Variants in TUBB observed in about 807,000 individuals in gnomAD.
TUBB encodes the protein tubulin beta class I.
A neutral mutation model predicts 35.1 loss-of-function variants in TUBB; 2 were observed. The observed-to-expected ratio is 0.06, with a 90% CI of 0.02 to 0.18. The LOEUF is 0.18. Ranked by LOEUF, TUBB falls within the 10% of genes least tolerant of loss-of-function variation. TUBB has a pLI of 1.00. For synonymous variants in TUBB, 205 were observed against 223.8 expected (o/e 0.92, Z 0.75); for missense variants, 50 against 599.4 (o/e 0.08, Z 9.57).
Position 30,724,492 on chromosome 6 carries a change from T to C in TUBB, c.*95T>C. 1 of 1,213,398 alleles carries C rather than the reference T, an allele frequency of 8.2e-7. No individual in the cohort carries two copies. Among genetic ancestry groups the C allele is most frequent in the Non-Finnish European group, 1.1e-6 (1 of 886,058 alleles). 75.2% of individuals were successfully genotyped at this position (1,213,398 alleles called of 1,614,324 possible). A position where few individuals can be genotyped will look rare whatever the true frequency, so the allele number is the denominator to read the frequency against. On this transcript the variant is annotated 3_prime_UTR_variant, in exon 4 of 4. Coordinates refer to ENST00000327892, the MANE Select transcript of TUBB (RefSeq NM_178014.4). The surrounding 1 kb of genome is among the most constrained non-coding windows in gnomAD (Gnocchi z 4.4). ...CCTCAGAATTTGTGTTTGCTGCCTC[T>C]ATCTTGTTTTTTGTTTTTTCTTCTG...
At chr6:30,720,821 T>C (rs1409101984) in intron 1 of TUBB, among the ~76,000 whole-genome samples, 4 of 152,340 alleles carry the variant, frequency 2.6e-5, no homozygotes, top group South Asian at 4.1e-4. Context: ...CGAGGACTTA[T>C]AAGATGTTAC....
At chr6:30,721,475 C>A (rs1191119499) in intron 1 of TUBB, 2 of 897,454 alleles carry the variant, frequency 2.2e-6, no homozygotes, top group African/African-American at 3.6e-5. Context: ...GCGTTGCCCG[C>A]CGGCAGGGGC....
intron 1 of TUBB, among the ~76,000 whole-genome samples, chr6:30,720,934 C>T (rs543626967): frequency 5.3e-5 from 8 of 152,244 alleles, no homozygotes; most frequent in African/African-American, 1.9e-4. Flanking sequence ...TCCCGCCCAA[C>T]CCCCCTGCGG....
intron 3 of TUBB, 62 bp from the exon 4 acceptor site, chr6:30,723,278 A>T (rs1562156996): frequency 1.5e-6 from 2 of 1,344,112 alleles, no homozygotes; most frequent in East Asian, 4.7e-5. Context: ...AAGTTGAAAG[A>T]TGGAAACATC....
rs25527 is a variant in TUBB, at chr6:30,723,161, C to T, written c.277+133C>T. 64,799 of 947,974 alleles carry T rather than the reference C, an allele frequency of 0.068. 3,833 individuals carry two copies. Among genetic ancestry groups the T allele is most frequent in the African/African-American group, 0.21 (12,500 of 60,530 alleles). The allele number at this position is 947,974 out of a possible 1,614,324, so 58.7% of individuals were successfully genotyped here. On this transcript the variant is annotated intron_variant, in intron 3 of 3. Coordinates refer to ENST00000327892, the MANE Select transcript of TUBB (RefSeq NM_178014.4). ...TACAGAAATGTGTTCTGAAATCTAA[C>T]GGAGGGTAGAGGTAGTGCCTACTAT... is the stretch of plus-strand genomic sequence containing the variant.
In TUBB at chr6:30,724,040, C is replaced by T. The variant is rs377512947; in HGVS notation, c.978C>T (p.Val326=). The change falls in exon 4 of 4, where the codon GTC becomes GTT. Residue 326 remains valine (V), a synonymous_variant. Transcript: ENST00000327892. The surrounding 1 kb of genome is among the most constrained non-coding windows in gnomAD (Gnocchi z 4.4). ...VFRGRMSMKE[V]DEQMLNVQNK... ...GTGGTCGGATGTCCATGAAGGAGGT[C>T]GATGAGCAGATGCTTAACGTGCAGA... 51 of 1,614,000 alleles carry T rather than the reference C, an allele frequency of 3.2e-5. 1 individual carries two copies. In the Middle Eastern group the frequency reaches 6.6e-4, roughly 21 times the overall value.
Position 30,724,466 on chromosome 6 carries a change from C to T in TUBB, c.*69C>T, listed in dbSNP as rs1426549888. Reference sequence around the variant, plus strand: ...TCTTACTCAACTGCCCCTTTCCTCTCCCTCAGAATTTGTGTTTGCTGCCTC... The same window carrying T: ...TCTTACTCAACTGCCCCTTTCCTCTTCCTCAGAATTTGTGTTTGCTGCCTC... On this transcript the variant is annotated 3_prime_UTR_variant, in exon 4 of 4. Transcript: ENST00000327892. This position sits in a 1 kb window ranked among gnomAD's most constrained non-coding sequence, Gnocchi z 4.4. The T allele has an allele frequency of 4.2e-6, 6 of 1,414,428 alleles. No individual in the cohort carries two copies. The highest frequency in any genetic ancestry group is 5.7e-6 in the Non-Finnish European group (6 of 1,051,144). The allele number at this position is 1,414,428 out of a possible 1,614,324, so 87.6% of individuals were successfully genotyped here. A position where few individuals can be genotyped will look rare whatever the true frequency, so the allele number is the denominator to read the frequency against.
In TUBB at chr6:30,721,585, C is replaced by T. The variant is rs1389966865; in HGVS notation, c.58-952C>T. 4.1e-6 allele frequency: 4 copies of T among 985,320 alleles called. No individual in the cohort carries two copies. The East Asian group carries it at 4.5e-4, about 112-fold the overall frequency. 61.0% of individuals were successfully genotyped at this position (985,320 alleles called of 1,614,324 possible). Reference sequence around the variant, plus strand: ...GGCGGCTCGACCTGCGCGTGCGCCGCAGTCACGTGGAGGGCGGGGGGGGTG... The same window carrying T: ...GGCGGCTCGACCTGCGCGTGCGCCGTAGTCACGTGGAGGGCGGGGGGGGTG... On this transcript the variant is annotated intron_variant, in intron 1 of 3. Transcript: ENST00000327892.
At chr6:30,721,812 G>A in intron 1 of TUBB, 1 of 985,294 alleles carries the variant, frequency 1.0e-6, no homozygotes, top group South Asian at 4.7e-5. Flanking sequence ...GTGTCTAGGG[G>A]AAGGGTGTGG....
Position 30,724,091 on chromosome 6 carries a change from A to G in TUBB, c.1029A>G (p.Glu343=). The G allele has an allele frequency of 6.2e-7, 1 of 1,612,702 alleles. No homozygotes were observed. The highest frequency in any genetic ancestry group is 1.3e-5 in the African/African-American group (1 of 74,972). ...ACAAGAACAGCAGCTACTTTGTGGA[A>G]TGGATCCCCAACAATGTCAAGACAG... ...VQNKNSSYFV[E]WIPNNVKTAV... Residue 343 remains glutamate (E), a synonymous_variant, in exon 4 of 4, where the codon GAA becomes GAG. Coordinates refer to ENST00000327892, the MANE Select transcript of TUBB (RefSeq NM_178014.4). The surrounding 1 kb of genome is among the most constrained non-coding windows in gnomAD (Gnocchi z 4.4).
chr6:30,722,241 C>CTA, intron 1 of TUBB: 1 of 366,098 alleles, frequency 2.7e-6, no homozygotes. Context: ...GTCAAGAGAT[C>CTA]TAGACCATCC....
Position 30,720,393 on chromosome 6 carries a change from C to T in TUBB, c.-114C>T. 1 of 1,025,742 alleles carries T rather than the reference C, an allele frequency of 9.7e-7. No individual in the cohort carries two copies. Among genetic ancestry groups the T allele is most frequent in the Middle Eastern group, 2.3e-4 (1 of 4,328 alleles). 63.5% of individuals were successfully genotyped at this position (1,025,742 alleles called of 1,614,324 possible). ...GCCGTCGCGTTTGCACCTCGCTGCT[C>T]CAGCCTCTGGGGCGCATTCCAACCT... On this transcript the variant is annotated 5_prime_UTR_variant, in exon 1 of 4. Transcript: ENST00000327892.
Position 30,724,394 on chromosome 6 carries a change from C to T in TUBB, c.1332C>T (p.Ala444=). The change falls in exon 4 of 4, where the codon GCC becomes GCT. Residue 444 remains alanine (A), a synonymous_variant. Coordinates refer to ENST00000327892, the MANE Select transcript of TUBB (RefSeq NM_178014.4). The surrounding 1 kb of genome is among the most constrained non-coding windows in gnomAD (Gnocchi z 4.4). ...EDFGEEAEEE[A] is the part of the protein sequence containing the mutation. ...TCGGTGAGGAGGCCGAAGAGGAGGC[C>T]TAAGGCAGAGCCCCCATCACCTCAG... is the stretch of plus-strand genomic sequence containing the variant. 1 of 1,608,856 alleles carries T rather than the reference C, an allele frequency of 6.2e-7. No individual in the cohort carries two copies. The highest frequency in any genetic ancestry group is 8.5e-7 in the Non-Finnish European group (1 of 1,177,822).
chr6:30,721,799 C>T (rs145807661), intron 1 of TUBB: 13,614 of 984,926 alleles, frequency 0.014, 130 homozygotes, highest in Middle Eastern at 0.056. Flanking sequence ...CTCGGGGGAG[C>T]GAGTGTCTAG....
chr6:30,720,429 G>T lies in TUBB; in HGVS notation c.-78G>T. 6.9e-7 allele frequency: 1 copy of T among 1,452,406 alleles called. No homozygotes were observed. The highest frequency in any genetic ancestry group is 9.7e-7 in the Non-Finnish European group (1 of 1,035,718). 90.0% of individuals were successfully genotyped at this position (1,452,406 alleles called of 1,614,324 possible). On this transcript the variant is annotated 5_prime_UTR_variant, in exon 1 of 4. Transcript: ENST00000327892. ...GGCGCATTCCAACCTTCCAGCCTGC[G>T]ACCTGCGGAGAAAAAAAATTACTTA...
rs765570823 is a variant in TUBB at position 30,722,527 on chromosome 6, C to G, written c.58-10C>G. 3.1e-6 allele frequency: 5 copies of G among 1,608,776 alleles called. No homozygotes were observed. The highest frequency in any genetic ancestry group is 4.3e-6 in the Non-Finnish European group (5 of 1,175,456). Reference sequence around the variant, plus strand: ...TGACCTGTTGTGGTCTCGTTGCTCCCCCTCGGCAGTTCTGGGAGGTGATCA... The same window carrying G: ...TGACCTGTTGTGGTCTCGTTGCTCCGCCTCGGCAGTTCTGGGAGGTGATCA... On this transcript the variant is annotated splice_polypyrimidine_tract_variant and intron_variant, in intron 1 of 3. Transcript: ENST00000327892.
rs1027077186 is a variant in TUBB at position 30,724,491 on chromosome 6, C to T, written c.*94C>T. On this transcript the variant is annotated 3_prime_UTR_variant, in exon 4 of 4. Coordinates refer to ENST00000327892, the MANE Select transcript of TUBB (RefSeq NM_178014.4). The surrounding 1 kb of genome is among the most constrained non-coding windows in gnomAD (Gnocchi z 4.4). ...CCCTCAGAATTTGTGTTTGCTGCCTCTATCTTGTTTTTTGTTTTTTCTTCT... is the reference window on the plus strand; with the variant it reads ...CCCTCAGAATTTGTGTTTGCTGCCTTTATCTTGTTTTTTGTTTTTTCTTCT... The T allele has an allele frequency of 1.6e-6, 2 of 1,226,614 alleles. No homozygotes were observed. Among genetic ancestry groups the T allele is most frequent in the Non-Finnish European group, 2.2e-6 (2 of 896,210 alleles). The allele number at this position is 1,226,614 out of a possible 1,614,324, so 76.0% of individuals were successfully genotyped here.
At position 30,723,992 on chromosome 6, in the gene TUBB, C is replaced by T; in HGVS notation, c.930C>T (p.Tyr310=). 2 of 1,614,122 alleles carry T rather than the reference C, an allele frequency of 1.2e-6. No individual in the cohort carries two copies. Among genetic ancestry groups the T allele is most frequent in the Non-Finnish European group, 1.7e-6 (2 of 1,179,982 alleles). The change falls in exon 4 of 4, where the codon TAC becomes TAT. Residue 310 remains tyrosine, a synonymous_variant. Transcript: ENST00000327892. ...CCTGTGACCCCCGCCACGGCCGATA[C>T]CTCACCGTGGCTGCTGTCTTCCGTG... The part of the protein sequence containing the change: ...MAACDPRHGR[Y]LTVAAVFRGR...
chr6:30,721,596 A>C (rs1432444775), intron 1 of TUBB: 2 of 983,762 alleles, frequency 2.0e-6, no homozygotes, highest in Non-Finnish European at 2.4e-6. Flanking sequence ...AGTCACGTGG[A>C]GGGCGGGGGG....
Sources: gnomAD v4.1 joint callset for allele counts (sites outside exome capture counted in the v4.1 genomes callset) on GRCh38, gnomAD v4.1.1 for gene constraint, Gnocchi (gnomAD v3.1) non-coding constraint, MANE v1.5 for transcripts, NCBI Gene and HGNC (gene_info 2026-07-23, HGNC 2026-07-21) for gene names.